Variants in NRG2 observed in about 807,000 individuals in gnomAD.
The protein encoded by NRG2 is pro-neuregulin-2, membrane-bound isoform.
A neutral mutation model predicts 73.9 loss-of-function variants in NRG2; 27 were observed. The ratio of observed to expected loss-of-function variants is 0.37; its 90% CI spans 0.27 to 0.50. The LOEUF is 0.50. Ranked by LOEUF, NRG2 falls within the 20% of genes least tolerant of loss-of-function variation. The pLI is 0.96. For missense variants in NRG2, 1,126 were observed against 1,210.1 expected (o/e 0.93, Z 1.03); for synonymous variants, 532 against 541.0 (o/e 0.98, Z 0.23).
chr5:140,010,020 G>A (rs559551495), intron 1 of NRG2, among the ~76,000 whole-genome samples: 82 of 152,230 alleles, frequency 5.4e-4, no homozygotes, highest in Non-Finnish European at 7.4e-4. Flanking sequence ...GTATGAGGCC[G>A]GGCACAGTGG....
chr5:140,014,110 C>T lies in NRG2; in HGVS notation c.700+28260G>A, dbSNP rs1759584524. ...TACCTCCAGCCCCTATCTTACTCTC[C>T]ACTTAACACATCCACACTATCCAAA... On this transcript the variant is annotated intron_variant, in intron 1 of 9. Transcript: ENST00000361474. Among the ~76,000 whole-genome samples, 3 of 152,144 alleles carry T rather than the reference C, an allele frequency of 2.0e-5. No individual in the cohort carries two copies. In the South Asian group the frequency reaches 6.2e-4, roughly 31 times the overall value.
Position 139,852,939 on chromosome 5 carries a change from G to A in NRG2, c.1381C>T (p.Pro461Ser). The change falls in exon 7 of 10, where the codon CCC (proline) becomes TCC (serine). Residue 461 changes from proline to serine, a missense_variant. Around this residue, in one of 3 missense-constraint regions of NRG2, gnomAD observed 539 missense variants for 703.2 expected, o/e 0.77. Coordinates refer to ENST00000361474, the MANE Select transcript of NRG2 (RefSeq NM_004883.3). This position sits in a 1 kb window ranked among gnomAD's most constrained non-coding sequence, Gnocchi z 4.4. Reference protein sequence around the residue: ...NRSLANGPSHPRLDPEEIQMA... With the variant: ...NRSLANGPSHSRLDPEEIQMA... ...TGGATCTCCTCTGGGTCCAGCCGGG[G>A]GTGGCTGGGCCCATTGGCCAAGCTC... 2 of 1,612,138 alleles carry A rather than the reference G, an allele frequency of 1.2e-6. No individual in the cohort carries two copies. Among genetic ancestry groups the A allele is most frequent in the Non-Finnish European group, 1.7e-6 (2 of 1,179,432 alleles).
intron 1 of NRG2, among the ~76,000 whole-genome samples, chr5:139,979,382 G>A (rs1174068618): frequency 6.6e-6 from 1 of 152,048 alleles, no homozygotes; most frequent in Admixed American, 6.6e-5. Flanking sequence ...ACCTGCAGAC[G>A]ATTTCTCCCT....
intron 1 of NRG2, among the ~76,000 whole-genome samples, chr5:139,951,016 G>A (rs1299328493): frequency 2.6e-5 from 4 of 152,218 alleles, no homozygotes; most frequent in African/African-American, 9.6e-5. Flanking sequence ...CAAGTTTAAT[G>A]AAGAGGAAAC....
Position 139,887,589 on chromosome 5 carries a change from C to A in NRG2, c.701-78G>T. ...AGCATGAGTAGTGGAGAGTAAGGGC[C>A]ACTGTCTTTGGGCTGGAACTGGGGA... On this transcript the variant is annotated intron_variant, in intron 1 of 9. Coordinates refer to ENST00000361474, the MANE Select transcript of NRG2 (RefSeq NM_004883.3). This position sits in a 1 kb window ranked among gnomAD's most constrained non-coding sequence, Gnocchi z 4.5. The A allele has an allele frequency of 7.3e-7, 1 of 1,366,094 alleles. No homozygotes were observed. Among genetic ancestry groups the A allele is most frequent in the South Asian group, 1.3e-5 (1 of 78,762 alleles). 84.6% of individuals were successfully genotyped at this position (1,366,094 alleles called of 1,614,324 possible).
At chr5:139,905,938 C>A (rs897093509) in intron 1 of NRG2, among the ~76,000 whole-genome samples, 2 of 152,210 alleles carry the variant, frequency 1.3e-5, no homozygotes, top group African/African-American at 4.8e-5. Context: ...ATCCCATAGA[C>A]AATGGTCTCC....
chr5:139,907,769 G>C (rs964149334), intron 1 of NRG2, among the ~76,000 whole-genome samples: 5 of 152,210 alleles, frequency 3.3e-5, no homozygotes, highest in African/African-American at 1.2e-4. Flanking sequence ...ATTTTGATGG[G>C]GGTCAGGTGA....
intron 1 of NRG2, among the ~76,000 whole-genome samples, chr5:139,903,477 G>T (rs1336075750): frequency 6.6e-6 from 1 of 152,200 alleles, no homozygotes; most frequent in Non-Finnish European, 1.5e-5. Context: ...GAGAATCCAG[G>T]GTTTCCCCAA....
intron 1 of NRG2, among the ~76,000 whole-genome samples, chr5:139,964,009 C>T (rs892040120): frequency 2.0e-5 from 3 of 152,148 alleles, no homozygotes; most frequent in Non-Finnish European, 4.4e-5. Flanking sequence ...AAAAAGGGGG[C>T]TCTGTTCCAT....
At position 139,894,396 on chromosome 5, in the gene NRG2, C is replaced by T. The variant is rs538516979; in HGVS notation, c.701-6885G>A. Among the ~76,000 whole-genome samples the T allele has an allele frequency of 2.0e-5, 3 of 151,874 alleles. No individual in the cohort carries two copies. The highest frequency in any genetic ancestry group is 2.9e-5 in the Non-Finnish European group (2 of 67,868). On this transcript the variant is annotated intron_variant, in intron 1 of 9. Transcript: ENST00000361474. The surrounding 1 kb of genome is among the most constrained non-coding windows in gnomAD (Gnocchi z 5.0). ...CAGCCCCCTTCCCACCCCTGTCCCA[C>T]CCACAAAGTGACTGCAACCTATTGG...
chr5:139,856,159 A>T lies in NRG2; in HGVS notation c.1190-381T>A, dbSNP rs1226251526. On this transcript the variant is annotated intron_variant, in intron 5 of 9. Coordinates refer to ENST00000361474, the MANE Select transcript of NRG2 (RefSeq NM_004883.3). This position sits in a 1 kb window ranked among gnomAD's most constrained non-coding sequence, Gnocchi z 4.2. ...CTGGCCGGTGACCCTGCCCTGCTCC[A>T]CAGTGGCCTGGTAGCTGCAAAGAAC... 2 of 235,578 alleles carry T rather than the reference A, an allele frequency of 8.5e-6. No homozygotes were observed. The highest frequency in any genetic ancestry group is 1.7e-4 in the East Asian group (2 of 11,926). 14.6% of individuals were successfully genotyped at this position (235,578 alleles called of 1,614,324 possible).
At chr5:140,011,519 C>T (rs1424090620) in intron 1 of NRG2, among the ~76,000 whole-genome samples, 1 of 152,186 alleles carries the variant, frequency 6.6e-6, no homozygotes, top group Non-Finnish European at 1.5e-5. Flanking sequence ...TCCCTCCTCC[C>T]ACCCTTTCTC....
chr5:139,848,779 G>GGGGGGGGGGGGGT, intron 9 of NRG2, 82 bp from the exon 10 acceptor site: 1 of 198,602 alleles, frequency 5.0e-6, no homozygotes, highest in Non-Finnish European at 1.0e-5. Flanking sequence ...GGTAGGGTGG[G>GGGGGGGGGGGGGT]AGGGGCGGAC....
At chr5:140,020,707 C>G (rs569433235) in intron 1 of NRG2, among the ~76,000 whole-genome samples, 1 of 152,136 alleles carries the variant, frequency 6.6e-6, no homozygotes, top group African/African-American at 2.4e-5. Flanking sequence ...TTAGCAAGAT[C>G]GTCTCCTAGC....
intron 1 of NRG2, among the ~76,000 whole-genome samples, chr5:139,982,955 C>A (rs942488032): frequency 2.0e-5 from 3 of 152,238 alleles, no homozygotes; most frequent in African/African-American, 4.8e-5. Flanking sequence ...CTTTATCAGG[C>A]TTTATCAGCC....
chr5:139,980,241 TC>T (rs1756689890), intron 1 of NRG2, among the ~76,000 whole-genome samples: 1 of 151,786 alleles, frequency 6.6e-6, no homozygotes, highest in South Asian at 2.1e-4. Context: ...CCCAGCTCTC[TC>T]CTGACTCTTG....
intron 1 of NRG2, among the ~76,000 whole-genome samples, chr5:140,011,212 T>C (rs1304846794): frequency 6.6e-6 from 1 of 152,254 alleles, no homozygotes; most frequent in Non-Finnish European, 1.5e-5. Context: ...GGACACATAG[T>C]ACATTTGGTG....
In NRG2 at chr5:139,856,816, T is replaced by C. The variant is rs1761836339; in HGVS notation, c.1190-1038A>G. 6.6e-6 allele frequency among the ~76,000 whole-genome samples: 1 copy of C among 152,058 alleles called. No homozygotes were observed. The highest frequency in any genetic ancestry group is 6.6e-5 in the Admixed American group (1 of 15,262). ...CACACACACCTGCACACACAACATATGCACACACACAGAGTTAACCACACA... is the reference window on the plus strand; with the variant it reads ...CACACACACCTGCACACACAACATACGCACACACACAGAGTTAACCACACA... On this transcript the variant is annotated intron_variant, in intron 5 of 9. Coordinates refer to ENST00000361474, the MANE Select transcript of NRG2 (RefSeq NM_004883.3). The surrounding 1 kb of genome is among the most constrained non-coding windows in gnomAD (Gnocchi z 4.2).
At chr5:139,898,204 G>C (rs1764668461) in intron 1 of NRG2, among the ~76,000 whole-genome samples, 2 of 152,230 alleles carry the variant, frequency 1.3e-5, no homozygotes, top group Non-Finnish European at 2.9e-5. Context: ...GCAAGAGTTT[G>C]CTAAGAGAGA....
Sources: gnomAD v4.1 joint callset for allele counts (sites outside exome capture counted in the v4.1 genomes callset) on GRCh38, gnomAD v4.1.1 for gene constraint, gnomAD v4.1.1 regional missense constraint, Gnocchi (gnomAD v3.1) non-coding constraint, MANE v1.5 for transcripts, NCBI Gene and HGNC (gene_info 2026-07-23, HGNC 2026-07-21) for gene names.